Variants in ZNF721 observed in about 807,000 individuals in gnomAD.
ZNF721 encodes zinc finger protein 721.
A neutral mutation model predicts 2.4 loss-of-function variants in ZNF721; 2 were observed. That is an observed-to-expected ratio of 0.82 (90% confidence interval 0.34 to 2.58). The LOEUF (loss-of-function observed/expected upper bound fraction) is 2.58. Among genes scored for constraint, ZNF721 ranks in the 30% most tolerant of loss-of-function variants. The pLI, the probability that ZNF721 is intolerant of heterozygous loss-of-function variation, is 0.11. For missense variants in ZNF721, 1,187 were observed against 1,085.5 expected, an observed-to-expected ratio of 1.09 and a Z score of -1.31; for synonymous variants, 398 against 381.8, an observed-to-expected ratio of 1.04 and a Z score of -0.50.
At position 442,826 on chromosome 4, in the gene ZNF721, A is replaced by C; in HGVS notation, c.1641T>G (p.His547Gln). Residue 547 changes from histidine (H) to glutamine (Q), a missense_variant, in exon 3 of 3, where the codon CAT (histidine) becomes CAG (glutamine). By Grantham distance (24) the His-to-Gln change is conservative. Coordinates refer to ENST00000511833, the MANE Select transcript of ZNF721 (RefSeq NM_133474.4). The stretch of plus-strand genomic sequence containing the variant: ...GTTTCTCTCCAGTATGAATTCTCCT[A>C]TGTACATAAAGGATTGCGGACTGTC... ...AFRQSAILYV[H>Q]RRIHTGEKPY... 6.2e-7 allele frequency: 1 copy of C among 1,613,772 alleles called. No homozygotes were observed. The highest frequency in any genetic ancestry group is 8.5e-7 in the Non-Finnish European group (1 of 1,179,882).
At position 478,290 on chromosome 4, in the gene ZNF721, G is replaced by C. The variant is rs1715685457; in HGVS notation, c.-93-5589C>G. Among the ~76,000 whole-genome samples, 3 of 152,044 alleles carry C rather than the reference G, an allele frequency of 2.0e-5. No individual in the cohort carries two copies. The South Asian group carries it at 6.2e-4, about 32-fold the overall frequency. ...ACCATTCTACTTTCTGTTTTTATGA[G>C]TAGACTACTAAAAATATTTCACATA... On this transcript the variant is annotated intron_variant, in intron 1 of 2. Transcript: ENST00000511833.
chr4:462,106 CAAT>C (rs1715089926), intron 2 of ZNF721, among the ~76,000 whole-genome samples: 1 of 151,990 alleles, frequency 6.6e-6, no homozygotes, highest in Non-Finnish European at 1.5e-5. Flanking sequence ...TCCTATATAC[CAAT>C]AATAGACAAA....
At chr4:461,292 G>A (rs1415736427) in intron 2 of ZNF721, among the ~76,000 whole-genome samples, 1 of 152,154 alleles carries the variant, frequency 6.6e-6, no homozygotes, top group Non-Finnish European at 1.5e-5. Context: ...TGAAACACTA[G>A]TTCAACATAC....
rs782193725 is a variant in ZNF721, at chr4:444,137, T to G, written c.330A>C (p.Lys110Asn). 1.2e-6 allele frequency: 2 copies of G among 1,614,146 alleles called. No individual in the cohort carries two copies. Among genetic ancestry groups the G allele is most frequent in the African/African-American group, 1.3e-5 (1 of 75,060 alleles). Residue 110 changes from lysine (K) to asparagine (N), a missense_variant, in exon 3 of 3, where the codon AAA becomes AAC. Lys to Asn is a moderately conservative substitution (Grantham distance 94, BLOSUM62 0). Coordinates refer to ENST00000511833, the MANE Select transcript of ZNF721 (RefSeq NM_133474.4). ...GAAATGACTTGCCACATTCGTTACATTTAAAGTGTTTCTCTCCAGTATGTC... is the reference window on the plus strand; with the variant it reads ...GAAATGACTTGCCACATTCGTTACAGTTAAAGTGTTTCTCTCCAGTATGTC... ...KTRHTGEKHF[K>N]CNECGKSFQK...
At chr4:495,524 A>G (rs889907225) in intron 1 of ZNF721, among the ~76,000 whole-genome samples, 6 of 150,554 alleles carry the variant, frequency 4.0e-5, no homozygotes, top group Admixed American at 2.7e-4. Context: ...AGCAATGGAT[A>G]AATTGAGTGT....
At position 442,748 on chromosome 4, in the gene ZNF721, A is replaced by C; in HGVS notation, c.1719T>G (p.Tyr573Ter). The C allele has an allele frequency of 2.5e-6, 4 of 1,614,108 alleles. No homozygotes were observed. Among genetic ancestry groups the C allele is most frequent in the East Asian group, 2.2e-5 (1 of 44,878 alleles). ...GKTFRQSANLYVHRRIHTGEK... is the reference protein window; with the variant it reads ...GKTFRQSANL ...CTCCAGTATGAATTCTCCTATGTAC[A>C]TAAAGGTTTGCGGACTGTCTAAAGG... The change falls in exon 3 of 3, where the codon TAT becomes TAG. Residue 573 changes from tyrosine to a stop codon, truncating the protein, a stop_gained. Transcript: ENST00000511833. LOFTEE classifies it low-confidence loss of function (END_TRUNC).
At chr4:487,721 G>T (rs1715931622) in intron 1 of ZNF721, among the ~76,000 whole-genome samples, 1 of 152,142 alleles carries the variant, frequency 6.6e-6, no homozygotes, top group African/African-American at 2.4e-5. Flanking sequence ...CAGAAGTGAG[G>T]CAGGAGAATA....
At chr4:485,729 A>T (rs1382921397) in intron 1 of ZNF721, among the ~76,000 whole-genome samples, 3 of 152,174 alleles carry the variant, frequency 2.0e-5, no homozygotes, top group African/African-American at 7.2e-5. Context: ...TAATCCCAGC[A>T]CTTTGGGAGG....
intron 2 of ZNF721, among the ~76,000 whole-genome samples, chr4:446,804 T>C (rs1389552311): frequency 1.3e-5 from 2 of 152,048 alleles, no homozygotes; most frequent in African/African-American, 2.4e-5. Flanking sequence ...GCAATTCTCC[T>C]GCCTCAGCCT....
At chr4:474,254 C>A in intron 1 of ZNF721, 2 of 354,772 alleles carry the variant, frequency 5.6e-6, no homozygotes, top group Non-Finnish European at 1.1e-5. Context: ...GGCTTCACGC[C>A]CTCAGGCTTT....
In ZNF721 at chr4:443,300, G is replaced by C. The variant is rs1553863607; in HGVS notation, c.1167C>G (p.Tyr389Ter). 1.2e-6 allele frequency: 2 copies of C among 1,614,080 alleles called. No homozygotes were observed. Among genetic ancestry groups the C allele is most frequent in the Non-Finnish European group, 1.7e-6 (2 of 1,179,984 alleles). Residue 389 changes from tyrosine (Y) to a stop codon, truncating the protein, a stop_gained, in exon 3 of 3, where the codon TAC becomes TAG. Transcript: ENST00000511833. LOFTEE classifies it low-confidence loss of function (END_TRUNC). ...HKKIHTGEKP[Y>*]KCEECGKAFN... is the part of the protein sequence containing the mutation. ...AGGCTTTGCCACACTCTTCACATTT[G>C]TAAGGTTTCTCTCCAGTATGAATTT...
chr4:495,759 C>T (rs140980234), intron 1 of ZNF721, among the ~76,000 whole-genome samples: 6,356 of 152,042 alleles, frequency 0.042, 180 homozygotes, highest in African/African-American at 0.083. Context: ...CCCGCCACCA[C>T]GCCCAGCTAA....
intron 1 of ZNF721, among the ~76,000 whole-genome samples, chr4:490,217 C>T (rs1553871288): frequency 3.9e-5 from 6 of 152,038 alleles, no homozygotes; most frequent in Non-Finnish European, 8.8e-5. Flanking sequence ...TGGCTCACGC[C>T]TGTAATCCCA....
rs371366882 is a variant in ZNF721 at position 442,317 on chromosome 4, C to A, written c.2150G>T (p.Arg717Ile). The A allele has an allele frequency of 8.0e-5, 129 of 1,613,620 alleles. No individual in the cohort carries two copies. The highest frequency in any genetic ancestry group is 1.1e-4 in the Non-Finnish European group (125 of 1,179,778). ...GTAGGGTTTCTCCCTAGTGTGAACT[C>A]TCCTATGTGTAGTAAGGTTTCTTGA... Reference protein sequence around the residue: ...SRSRNLTTHRRVHTREKPYKC... With the variant: ...SRSRNLTTHRIVHTREKPYKC... The change falls in exon 3 of 3, where the codon AGA (arginine) becomes ATA (isoleucine). Residue 717 changes from arginine (R) to isoleucine (I), a missense_variant. Transcript: ENST00000511833.
At chr4:470,206 T>C (rs1715389913) in intron 2 of ZNF721, among the ~76,000 whole-genome samples, 1 of 152,100 alleles carries the variant, frequency 6.6e-6, no homozygotes. Context: ...TCTTATACCA[T>C]ACCCCAAAAT....
chr4:479,402 CT>C (rs1223017260), intron 1 of ZNF721, among the ~76,000 whole-genome samples: 9 of 152,226 alleles, frequency 5.9e-5, no homozygotes, highest in Non-Finnish European at 1.3e-4. Context: ...CCCAGAACAC[CT>C]CCTCCTTATT....
chr4:448,203 A>C (rs975724842), intron 2 of ZNF721, among the ~76,000 whole-genome samples: 1 of 152,112 alleles, frequency 6.6e-6, no homozygotes, highest in African/African-American at 2.4e-5. Context: ...AATTTTACAG[A>C]TTTCTTTTAA....
chr4:492,926 TA>T (rs1252328592), intron 1 of ZNF721, among the ~76,000 whole-genome samples: 3 of 151,944 alleles, frequency 2.0e-5, no homozygotes, highest in Admixed American at 6.6e-5. Context: ...TTCACCTTTT[TA>T]AAAAGGTTAC....
At chr4:464,716 T>C (rs782138007) in intron 2 of ZNF721, among the ~76,000 whole-genome samples, 1 of 152,130 alleles carries the variant, frequency 6.6e-6, no homozygotes, top group Admixed American at 6.6e-5. Flanking sequence ...AGCAGGACCC[T>C]GTCTCTAAAA....
Sources: gnomAD v4.1 joint callset for allele counts (sites outside exome capture counted in the v4.1 genomes callset) on GRCh38, gnomAD v4.1.1 for gene constraint, MANE v1.5 for transcripts, NCBI Gene and HGNC (gene_info 2026-07-23, HGNC 2026-07-21) for gene names.